WDR41: variants seen among roughly 807,000 people sequenced by gnomAD.
WDR41 encodes the protein WD repeat-containing protein 41.
WDR41 carries 63 observed loss-of-function variants against 69.3 expected under a neutral mutation model. The ratio of observed to expected loss-of-function variants is 0.91; its 90% CI spans 0.74 to 1.12. WDR41 has a LOEUF of 1.12. WDR41 is among the 50% of genes most tolerant of loss of function. The pLI, the probability that WDR41 is intolerant of heterozygous loss-of-function variation, is 0.00. For synonymous variants in WDR41, 185 were observed against 192.1 expected (o/e 0.96, Z 0.31); for missense variants, 543 against 534.5 (o/e 1.02, Z -0.16).
chr5:77,434,896 T>A (rs1316203543), intron 12 of WDR41, among the ~76,000 whole-genome samples: 1 of 149,056 alleles, frequency 6.7e-6, no homozygotes, highest in African/African-American at 2.6e-5. Flanking sequence ...TTACATGGGG[T>A]TTTCCCTACC....
At position 77,552,541 on chromosome 5, in the gene WDR41, G is replaced by A. The variant is rs1252036858; in HGVS notation, c.43-62969C>T. Among the ~76,000 whole-genome samples, 6 of 152,272 alleles carry A rather than the reference G, an allele frequency of 3.9e-5. No homozygotes were observed. The East Asian group carries it at 9.6e-4, about 24-fold the overall frequency. ...TTTTCATAGACCGAGGCAAGCTTAT[G>A]CTAAAATATATATGAAAAGGCACAG... On this transcript the variant is annotated intron_variant, in intron 1 of 5. Coordinates refer to the WDR41 transcript ENST00000509971.
chr5:77,486,435 T>C (rs1478587422), intron 2 of WDR41, among the ~76,000 whole-genome samples: 2 of 152,186 alleles, frequency 1.3e-5, no homozygotes, highest in Admixed American at 6.5e-5. Flanking sequence ...CCTCCCAATA[T>C]TGCCACCACC....
At chr5:77,593,348 A>G (rs557080105) in intron 1 of WDR41, among the ~76,000 whole-genome samples, 77 of 152,174 alleles carry the variant, frequency 5.1e-4, no homozygotes, top group African/African-American at 1.8e-3. Flanking sequence ...TTATTTGGTT[A>G]CAGAAATTAT....
intron 8 of WDR41, among the ~76,000 whole-genome samples, chr5:77,448,933 T>C (rs1242874383): frequency 6.6e-6 from 1 of 151,908 alleles, no homozygotes; most frequent in Non-Finnish European, 1.5e-5. Context: ...CTCAGGGAGA[T>C]ATGTTGCTGG....
intron 1 of WDR41, among the ~76,000 whole-genome samples, chr5:77,509,471 T>C (rs1017665760): frequency 1.3e-5 from 2 of 152,156 alleles, no homozygotes; most frequent in African/African-American, 4.8e-5. Flanking sequence ...AGAACTCAAA[T>C]TGATAAGCAA....
chr5:77,559,394 A>G (rs1376189945), intron 1 of WDR41, among the ~76,000 whole-genome samples: 2 of 152,136 alleles, frequency 1.3e-5, no homozygotes, highest in African/African-American at 4.8e-5. Context: ...TTACAAGTTT[A>G]TATAATTTGA....
intron 4 of WDR41, among the ~76,000 whole-genome samples, chr5:77,462,055 T>C (rs1221523044): frequency 6.6e-6 from 1 of 152,120 alleles, no homozygotes; most frequent in Non-Finnish European, 1.5e-5. Context: ...ACTGGCTGTG[T>C]GCCTTGGGAA....
chr5:77,537,155 A>G (rs998380812), intron 1 of WDR41, among the ~76,000 whole-genome samples: 9 of 152,250 alleles, frequency 5.9e-5, no homozygotes, highest in African/African-American at 2.2e-4. Context: ...CCTTGCCTAC[A>G]TCTTTTTCCC....
chr5:77,579,295 A>G (rs1351323314), intron 1 of WDR41, among the ~76,000 whole-genome samples: 1 of 152,182 alleles, frequency 6.6e-6, no homozygotes, highest in African/African-American at 2.4e-5. Flanking sequence ...TACATACCCA[A>G]GAAGTACAAT....
At chr5:77,582,901 G>C (rs1743967300) in intron 1 of WDR41, 5 of 1,608,318 alleles carry the variant, frequency 3.1e-6, no homozygotes. Flanking sequence ...CGCTTTGATT[G>C]CTCGATCTCT....
intron 2 of WDR41, among the ~76,000 whole-genome samples, 186 bp downstream of exon 2, chr5:77,489,271 C>CA (rs1304752939): frequency 2.0e-5 from 3 of 151,856 alleles, no homozygotes; most frequent in African/African-American, 7.3e-5. Flanking sequence ...TGACTTTGGG[C>CA]AAAAAAGACT....
intron 1 of WDR41, among the ~76,000 whole-genome samples, chr5:77,613,249 C>T (rs1242898581): frequency 1.3e-5 from 2 of 152,102 alleles, no homozygotes; most frequent in African/African-American, 2.4e-5. Flanking sequence ...AATGCCATTC[C>T]CATCAAGCTA....
In WDR41 at chr5:77,507,938, AT is replaced by A. The variant is rs375092558; in HGVS notation, c.43-18367del. ...TCTGAGGTTCTGTCCGGTTTTCTTC[AT>A]TCTTCTTTCTCTTTGCTCGTTGGCT... On this transcript the variant is annotated intron_variant, in intron 1 of 5. Coordinates refer to the WDR41 transcript ENST00000509971. Among the ~76,000 whole-genome samples the A allele has an allele frequency of 1.8e-3, 273 of 152,086 alleles. 2 individuals carry two copies. Among genetic ancestry groups the A allele is most frequent in the Middle Eastern group, 6.8e-3 (2 of 294 alleles).
intron 2 of WDR41, among the ~76,000 whole-genome samples, chr5:77,485,258 C>A (rs939225990): frequency 1.3e-4 from 20 of 152,170 alleles, no homozygotes; most frequent in African/African-American, 4.6e-4. Flanking sequence ...ATCTGTTTCC[C>A]AGGGAACCCA....
chr5:77,595,168 G>T (rs1231244879), intron 1 of WDR41, among the ~76,000 whole-genome samples: 1 of 152,096 alleles, frequency 6.6e-6, no homozygotes, highest in East Asian at 1.9e-4. Context: ...TGCTTCATTT[G>T]CTATAAAGTC....
chr5:77,580,683 C>T (rs924751195), intron 1 of WDR41, among the ~76,000 whole-genome samples: 3 of 151,920 alleles, frequency 2.0e-5, no homozygotes, highest in Non-Finnish European at 4.4e-5. Context: ...AGGCTGGGCA[C>T]GGTGGTTCAT....
rs1561720864 is a variant in WDR41 at position 77,432,890 on chromosome 5, CACCACT to C, written c.*239_*244del. The C allele has an allele frequency of 2.5e-6, 1 of 393,386 alleles. No individual in the cohort carries two copies. Among genetic ancestry groups the C allele is most frequent in the Non-Finnish European group, 4.5e-6 (1 of 222,918 alleles). 24.4% of individuals were successfully genotyped at this position (393,386 alleles called of 1,614,324 possible). A position where few individuals can be genotyped will look rare whatever the true frequency, so the allele number is the denominator to read the frequency against. ...CAAAATAAGCTCAAAACACAGCACT[CACCACT>C]TCAACAGCAGCTCAAAGTCAAATGG... is the stretch of plus-strand genomic sequence containing the variant. On this transcript the variant is annotated 3_prime_UTR_variant, in exon 13 of 13. Transcript: ENST00000296679.
At chr5:77,441,078 T>C in intron 8 of WDR41, 81 bp from the exon 9 acceptor site, 1 of 1,468,052 alleles carries the variant, frequency 6.8e-7, no homozygotes, top group Non-Finnish European at 9.1e-7. Flanking sequence ...CTAGTAGTAA[T>C]GCCGTATAAA....
At chr5:77,582,312 T>TA in intron 1 of WDR41, 1 of 1,450,608 alleles carries the variant, frequency 6.9e-7, no homozygotes, top group South Asian at 1.2e-5. Context: ...TATGCATAGA[T>TA]ATATAACAAG....
Sources: gnomAD v4.1 joint callset for allele counts (sites outside exome capture counted in the v4.1 genomes callset) on GRCh38, gnomAD v4.1.1 for gene constraint, MANE v1.5 for transcripts, NCBI Gene and HGNC (gene_info 2026-07-23, HGNC 2026-07-21) for gene names.